Variants in CDH18 observed in about 807,000 individuals in gnomAD.
CDH18 encodes the protein cadherin-18.
In CDH18, 31 loss-of-function variants were observed where a neutral mutation model predicts 67.9. That is an observed-to-expected ratio of 0.46 (90% CI 0.34 to 0.62). CDH18 has a LOEUF of 0.62. Ranked by LOEUF, CDH18 falls within the 20% of genes least tolerant of loss-of-function variation. The pLI is 0.01. For missense variants in CDH18, 890 were observed against 975.5 expected (o/e 0.91, Z 1.17); for synonymous variants, 362 against 347.2 (o/e 1.04, Z -0.48).
At position 20,342,458 on chromosome 5, in the gene CDH18, C is replaced by A. The variant is rs568871527; in HGVS notation, c.-579-86953G>T. ...GCTGCCAGGCAAGTTAATATTGATT[C>A]TCTTCAGATGCTATCCCTAACACCT... On this transcript the variant is annotated intron_variant, in intron 1 of 14. Transcript: ENST00000507958. Among the ~76,000 whole-genome samples, 12 of 152,304 alleles carry A rather than the reference C, an allele frequency of 7.9e-5. No individual in the cohort carries two copies. In the South Asian group the frequency reaches 2.1e-3, roughly 26 times the overall value.
chr5:20,463,214 CT>C (rs1751393266), intron 1 of CDH18, among the ~76,000 whole-genome samples: 4 of 141,540 alleles, frequency 2.8e-5, no homozygotes, highest in East Asian at 2.0e-4. Context: ...TTTGAACTCA[CT>C]TTTTTTGTGG....
chr5:20,304,279 T>C (rs1736216078), intron 1 of CDH18: 1 of 1,602,980 alleles, frequency 6.2e-7, no homozygotes, highest in Admixed American at 1.7e-5. Flanking sequence ...CCAAAAGCTG[T>C]GTCTTCTGAT....
At chr5:20,536,495 A>T (rs1032046824) in intron 1 of CDH18, among the ~76,000 whole-genome samples, 1 of 152,130 alleles carries the variant, frequency 6.6e-6, no homozygotes, top group Non-Finnish European at 1.5e-5. Flanking sequence ...ACAAGAATAA[A>T]CTTCCCTCAT....
At chr5:19,486,076 T>C (rs1360476345) in intron 11 of CDH18, among the ~76,000 whole-genome samples, 1 of 152,130 alleles carries the variant, frequency 6.6e-6, no homozygotes, top group Non-Finnish European at 1.5e-5. Context: ...TTTTTCCCGT[T>C]AAAGTTTTGA....
intron 2 of CDH18, among the ~76,000 whole-genome samples, chr5:19,959,268 T>C (rs74894197): frequency 0.034 from 5,200 of 152,052 alleles, 319 homozygotes; most frequent in African/African-American, 0.12. Flanking sequence ...TAGGTGAGTG[T>C]GTGTAAAACT....
intron 2 of CDH18, among the ~76,000 whole-genome samples, chr5:20,223,604 C>T (rs1047647079): frequency 1.3e-5 from 2 of 152,062 alleles, no homozygotes; most frequent in African/African-American, 4.8e-5. Context: ...CCACCCAAAA[C>T]TTATCTTGAA....
chr5:19,618,407 T>C (rs544087338), intron 5 of CDH18, among the ~76,000 whole-genome samples: 4 of 152,282 alleles, frequency 2.6e-5, no homozygotes, highest in African/African-American at 9.6e-5. Context: ...GGTTTCACCA[T>C]GTTGGCCAGG....
chr5:20,061,042 C>T (rs1042678523), intron 2 of CDH18, among the ~76,000 whole-genome samples: 2 of 151,772 alleles, frequency 1.3e-5, no homozygotes, highest in African/African-American at 4.8e-5. Context: ...TTTATACACG[C>T]AAATAATTCT....
intron 1 of CDH18, among the ~76,000 whole-genome samples, chr5:20,518,351 C>T (rs1755503638): frequency 6.6e-6 from 1 of 152,056 alleles, no homozygotes; most frequent in Non-Finnish European, 1.5e-5. Flanking sequence ...CAATCTTAAT[C>T]AGCTAGATAA....
chr5:20,055,990 CTTTTTTTTTTTTT>C (rs34736791), intron 2 of CDH18, among the ~76,000 whole-genome samples: 26 of 73,802 alleles, frequency 3.5e-4, no homozygotes, highest in South Asian at 3.2e-3. Context: ...TTTTGGTTTC[CTTTTTTTTTTTTT>C]TTTTTTTTTT....
intron 2 of CDH18, among the ~76,000 whole-genome samples, chr5:19,875,709 G>GA (rs1202444443): frequency 6.6e-6 from 1 of 151,752 alleles, no homozygotes; most frequent in African/African-American, 2.4e-5. Flanking sequence ...AATCTAGAAA[G>GA]AATTTGTTTA....
intron 8 of CDH18, among the ~76,000 whole-genome samples, chr5:19,554,250 T>G (rs1561333158): frequency 6.6e-6 from 1 of 152,332 alleles, no homozygotes; most frequent in South Asian, 2.1e-4. Flanking sequence ...ATAATGTTTC[T>G]TCCTGGTATT....
intron 1 of CDH18, among the ~76,000 whole-genome samples, chr5:20,519,001 A>G (rs1392561495): frequency 2.6e-5 from 4 of 152,202 alleles, no homozygotes; most frequent in African/African-American, 9.7e-5. Context: ...ATGACTATAT[A>G]TTAGTATTTA....
Position 19,677,714 on chromosome 5 carries a change from A to G in CDH18, c.643+43633T>C, listed in dbSNP as rs183911240. On this transcript the variant is annotated intron_variant, in intron 5 of 12. Coordinates refer to ENST00000382275, the MANE Select transcript of CDH18 (RefSeq NM_004934.5). The stretch of plus-strand genomic sequence containing the variant: ...GTAAACTAAAAAAAAAAGGAGACAG[A>G]AAAATCTACCAAGCAAATGAGAAAC... 1.1e-4 allele frequency among the ~76,000 whole-genome samples: 16 copies of G among 152,150 alleles called. No individual in the cohort carries two copies. The East Asian group carries it at 3.1e-3, about 29-fold the overall frequency.
intron 2 of CDH18, among the ~76,000 whole-genome samples, chr5:20,157,367 C>T (rs945210825): frequency 2.6e-5 from 4 of 151,996 alleles, no homozygotes; most frequent in Admixed American, 6.6e-5. Context: ...CAATGGAATG[C>T]GAGTGGACTA....
chr5:20,254,942 A>G (rs1189667091), intron 2 of CDH18, among the ~76,000 whole-genome samples: 1 of 152,212 alleles, frequency 6.6e-6, no homozygotes, highest in African/African-American at 2.4e-5. Flanking sequence ...GCCATAAAAA[A>G]GGAATAAAAT....
At chr5:19,749,703 T>A (rs2149663233) in intron 3 of CDH18, among the ~76,000 whole-genome samples, 1 of 151,118 alleles carries the variant, frequency 6.6e-6, no homozygotes, top group African/African-American at 2.4e-5. Context: ...CTATACACTA[T>A]ATAGATTCTA....
chr5:20,543,176 G>A (rs1389397180), intron 1 of CDH18, among the ~76,000 whole-genome samples: 1 of 151,728 alleles, frequency 6.6e-6, no homozygotes, highest in Non-Finnish European at 1.5e-5. Flanking sequence ...ATAAATAGAT[G>A]GTTAAACCTG....
At chr5:20,240,125 C>T (rs1742783382) in intron 2 of CDH18, among the ~76,000 whole-genome samples, 1 of 151,830 alleles carries the variant, frequency 6.6e-6, no homozygotes, top group South Asian at 2.1e-4. Flanking sequence ...AACAAACCTA[C>T]ATGTTGTGCA....
Sources: allele counts gnomAD v4.1 joint callset (sites outside exome capture counted in the v4.1 genomes callset), GRCh38; gene constraint gnomAD v4.1.1; transcripts MANE v1.5; gene names NCBI Gene and HGNC (gene_info 2026-07-23, HGNC 2026-07-21).